SACS: variants seen among roughly 807,000 people sequenced by gnomAD.
The protein encoded by SACS is sacsin.
A neutral mutation model predicts 348.0 loss-of-function variants in SACS; 197 were observed. That is an observed-to-expected ratio of 0.57 (90% CI 0.50 to 0.64). SACS has a LOEUF of 0.64. SACS is among the 30% of genes least tolerant of loss of function. SACS has a pLI of 0.00. For missense variants in SACS, 4,999 were observed against 5,360.8 expected (o/e 0.93, Z 2.11); for synonymous variants, 1,985 against 1,910.6 (o/e 1.04, Z -1.02).
At chr13:23,393,800 A>G (rs539793180) in intron 2 of SACS, among the ~76,000 whole-genome samples, 1 of 151,594 alleles carries the variant, frequency 6.6e-6, no homozygotes, top group African/African-American at 2.4e-5. Context: ...TCGCACTGTC[A>G]CCAAGGCTGG....
rs1035063645 is a variant in SACS at position 23,358,558 on chromosome 13, A to G, written c.458-77T>C. Reference sequence around the variant, plus strand: ...TGTTCTATCTCAAGAGATCCTCTATACAAAATCTCTTATTCGAAGGGAAAA... The same window carrying G: ...TGTTCTATCTCAAGAGATCCTCTATGCAAAATCTCTTATTCGAAGGGAAAA... On this transcript the variant is annotated intron_variant, in intron 6 of 9. Transcript: ENST00000382292. 3.3e-6 allele frequency: 5 copies of G among 1,498,642 alleles called. No homozygotes were observed. In the African/African-American group the frequency reaches 6.9e-5, roughly 21 times the overall value. The allele number at this position is 1,498,642 out of a possible 1,614,324, so 92.8% of individuals were successfully genotyped here. A position where few individuals can be genotyped will look rare whatever the true frequency, so the allele number is the denominator to read the frequency against.
At chr13:23,366,066 C>G (rs1871041393) in intron 5 of SACS, among the ~76,000 whole-genome samples, 1 of 152,192 alleles carries the variant, frequency 6.6e-6, no homozygotes, top group African/African-American at 2.4e-5. Context: ...AATCAAGAAT[C>G]AGCTCCTAGA....
chr13:23,375,639 C>G (rs1267588255), intron 2 of SACS: 9 of 860,722 alleles, frequency 1.0e-5, no homozygotes, highest in Non-Finnish European at 1.3e-5. Flanking sequence ...AGCTGGGGAT[C>G]CGCCCCGCCC....
intron 2 of SACS, among the ~76,000 whole-genome samples, chr13:23,396,854 C>A (rs887243358): frequency 6.6e-6 from 1 of 152,116 alleles, no homozygotes; most frequent in African/African-American, 2.4e-5. Flanking sequence ...TGGCAACTGG[C>A]AGCCTTAGAG....
rs779415925 is a variant in SACS, at chr13:23,341,457, T to C, written c.2419A>G (p.Ile807Val). 2.4e-5 allele frequency: 39 copies of C among 1,614,080 alleles called. No homozygotes were observed. The highest frequency in any genetic ancestry group is 1.6e-4 in the Middle Eastern group (1 of 6,062). The change falls in exon 10 of 10, where the codon ATA (isoleucine) becomes GTA (valine). Residue 807 changes from isoleucine (I) to valine (V), a missense_variant. Transcript: ENST00000382292. ...FDEMPLIPRT[I>V]LEEGQTCVEL... ...ACACATGTCTGACCTTCCTCTAGTA[T>C]AGTTCTGGGGATAAGTGGCATCTCA...
At position 23,332,817 on chromosome 13, in the gene SACS, C is replaced by G; in HGVS notation, c.11059G>C (p.Val3687Leu). 1.2e-6 allele frequency: 2 copies of G among 1,613,776 alleles called. No individual in the cohort carries two copies. The highest frequency in any genetic ancestry group is 8.5e-7 in the Non-Finnish European group (1 of 1,179,930). ...LPLIKFNGAQVNPKFKQCDVL... is the reference protein window; with the variant it reads ...LPLIKFNGAQLNPKFKQCDVL... ...TCACATTGCTTGAATTTTGGATTTA[C>G]CTGTGCTCCATTGAACTTTATAAGA... is the stretch of plus-strand genomic sequence containing the variant. Residue 3687 changes from valine to leucine, a missense_variant, in exon 10 of 10, where the codon GTA becomes CTA. By Grantham distance (32) the Val-to-Leu change is conservative (BLOSUM62 1). Around this residue, in one of 6 missense-constraint regions of SACS, gnomAD observed 831 missense variants for 941.8 expected, o/e 0.88. Transcript: ENST00000382292.
At position 23,335,820 on chromosome 13, in the gene SACS, G is replaced by A. The variant is rs748595405; in HGVS notation, c.8056C>T (p.Leu2686=). The A allele has an allele frequency of 6.2e-7, 1 of 1,613,992 alleles. No individual in the cohort carries two copies. Residue 2686 remains leucine (L), a synonymous_variant, in exon 10 of 10, where the codon CTG becomes TTG. Coordinates refer to ENST00000382292, the MANE Select transcript of SACS (RefSeq NM_014363.6). This position sits in a 1 kb window ranked among gnomAD's most constrained non-coding sequence, Gnocchi z 4.7. ...TTATCCAGTTTAAAATGGGTTCCCA[G>A]ATAAAGATCCAGAACATCTGAGAAC... The part of the protein sequence containing the change: ...TQFSDVLDLY[L]GTHFKLDNCT...
At position 23,411,304 on chromosome 13, in the gene SACS, G is replaced by A; in HGVS notation, c.-65C>T. The A allele has an allele frequency of 6.8e-7, 1 of 1,460,198 alleles. No homozygotes were observed. The allele number at this position is 1,460,198 out of a possible 1,614,324, so 90.5% of individuals were successfully genotyped here. ...AAGTACGCTTCTTTCTTCTGTTTAA[G>A]TCTTCCCTCTGTGCTTCCTTTAAAT... On this transcript the variant is annotated 5_prime_UTR_variant, in exon 2 of 10. Coordinates refer to ENST00000382292, the MANE Select transcript of SACS (RefSeq NM_014363.6).
chr13:23,331,150 CA>C lies in SACS; in HGVS notation c.12725del (p.Leu4242ArgfsTer32). The C allele has an allele frequency of 6.2e-7, 1 of 1,613,958 alleles. No individual in the cohort carries two copies. Among genetic ancestry groups the C allele is most frequent in the Non-Finnish European group, 8.5e-7 (1 of 1,179,824 alleles). ...SEYKIVSSLD[L>X]YKFSRPEESS... ...TTTCCTCAGGTCTTGAAAACTTATA[CA>C]GATCAAGAGAGCTAACTATTTTATA... On this transcript the variant is annotated frameshift_variant, in exon 10 of 10. Coordinates refer to ENST00000382292, the MANE Select transcript of SACS (RefSeq NM_014363.6). LOFTEE classifies it high-confidence loss of function.
Position 23,332,226 on chromosome 13 carries a change from G to C in SACS, c.11650C>G (p.Leu3884Val), listed in dbSNP as rs769612392. The C allele has an allele frequency of 2.5e-6, 4 of 1,613,950 alleles. No homozygotes were observed. The South Asian group carries it at 4.4e-5, about 18-fold the overall frequency. ...GAATCATTCTGTAGACTCCTGAACAGACCAGAAACTACTCTCTTAACTGTA... is the reference window on the plus strand; with the variant it reads ...GAATCATTCTGTAGACTCCTGAACACACCAGAAACTACTCTCTTAACTGTA... ...MRTVKRVVSG[L>V]FRSLQNDSVK... The change falls in exon 10 of 10, where the codon CTG becomes GTG. Residue 3884 changes from leucine to valine, a missense_variant. Leu to Val is a conservative substitution (Grantham distance 32). This residue lies in a region of SACS where 831 missense variants were observed against 941.8 expected (regional missense o/e 0.88). Coordinates refer to ENST00000382292, the MANE Select transcript of SACS (RefSeq NM_014363.6).
intron 2 of SACS, among the ~76,000 whole-genome samples, chr13:23,394,181 A>C (rs1239357157): frequency 1.3e-5 from 2 of 152,178 alleles, no homozygotes; most frequent in Non-Finnish European, 1.5e-5. Context: ...GAGGTGCTGG[A>C]GATTGAGTTC....
At chr13:23,396,688 C>A (rs1297040420) in intron 2 of SACS, among the ~76,000 whole-genome samples, 1 of 152,070 alleles carries the variant, frequency 6.6e-6, no homozygotes, top group Non-Finnish European at 1.5e-5. Context: ...ATATTTAAAT[C>A]TTTTCACTGT....
chr13:23,412,042 A>G (rs1354740400), intron 1 of SACS, among the ~76,000 whole-genome samples: 1 of 152,280 alleles, frequency 6.6e-6, no homozygotes, highest in Non-Finnish European at 1.5e-5. Context: ...CGCAGGTCAC[A>G]AGGTCAGGAG....
chr13:23,357,246 T>A (rs1870450806), intron 7 of SACS, among the ~76,000 whole-genome samples: 1 of 152,182 alleles, frequency 6.6e-6, no homozygotes, highest in Admixed American at 6.5e-5. Context: ...CCACAACATT[T>A]ACAAACTACT....
intron 7 of SACS, 122 bp downstream of exon 7, chr13:23,358,213 T>C: frequency 9.9e-7 from 1 of 1,013,704 alleles, no homozygotes; most frequent in South Asian, 1.3e-5. Flanking sequence ...CTCCTGCTAC[T>C]GACAGAAGAA....
intron 2 of SACS, among the ~76,000 whole-genome samples, chr13:23,408,809 C>CA (rs1405661673): frequency 1.3e-5 from 2 of 151,546 alleles, no homozygotes; most frequent in African/African-American, 4.8e-5. Flanking sequence ...ACTAAAAATA[C>CA]AAAAAATTAG....
chr13:23,358,469 T>C lies in SACS; in HGVS notation c.470A>G (p.Tyr157Cys), dbSNP rs1239497172. The C allele has an allele frequency of 3.7e-6, 6 of 1,614,142 alleles. No homozygotes were observed. In the Admixed American group the frequency reaches 6.7e-5, roughly 18 times the overall value. Residue 157 changes from tyrosine (Y) to cysteine (C), a missense_variant, in exon 7 of 10, where the codon TAT becomes TGT. Tyr to Cys is a radical substitution (Grantham distance 194, BLOSUM62 -2). Around this residue, in one of 6 missense-constraint regions of SACS, gnomAD observed 3,156 missense variants for 3,380.1 expected, o/e 0.93. Transcript: ENST00000382292. ...DMAPYQGPALYVYNNAVFTPE... is the reference protein window; with the variant it reads ...DMAPYQGPALCVYNNAVFTPE... ...GGTGAAAACCGCGTTGTTGTACACA[T>C]AGAGAGCTGGCCCTAGGTGTGAAAA...
chr13:23,429,820 A>G (rs549656531), intron 1 of SACS, among the ~76,000 whole-genome samples: 2 of 152,298 alleles, frequency 1.3e-5, no homozygotes, highest in South Asian at 4.1e-4. Flanking sequence ...ACTTTTTATT[A>G]CTATTCTTAG....
intron 2 of SACS, among the ~76,000 whole-genome samples, chr13:23,406,321 T>C (rs960918418): frequency 6.6e-6 from 1 of 150,462 alleles, no homozygotes; most frequent in South Asian, 2.1e-4. Flanking sequence ...TAAGTGGGAG[T>C]TGAACGATGA....
Sources: gnomAD v4.1 joint callset for allele counts (sites outside exome capture counted in the v4.1 genomes callset) on GRCh38, gnomAD v4.1.1 for gene constraint, gnomAD v4.1.1 regional missense constraint, Gnocchi (gnomAD v3.1) non-coding constraint, MANE v1.5 for transcripts, NCBI Gene and HGNC (gene_info 2026-07-23, HGNC 2026-07-21) for gene names.